PCBP3: variants seen among roughly 807,000 people sequenced by gnomAD.
PCBP3 encodes the protein poly(rC) binding protein 3.
In PCBP3, 25 loss-of-function variants were observed where a neutral mutation model predicts 52.7. The ratio of observed to expected loss-of-function variants is 0.47; its 90% confidence interval spans 0.35 to 0.66. The LOEUF (loss-of-function observed/expected upper bound fraction) is 0.66. PCBP3 is among the 30% of genes least tolerant of loss of function. The pLI is 0.01. For synonymous variants in PCBP3, 162 were observed against 183.0 expected (o/e 0.89, Z 0.93); for missense variants, 391 against 490.3 (o/e 0.80, Z 1.91).
At position 45,906,597 on chromosome 21, in the gene PCBP3, G is replaced by A. The variant is rs370817656; in HGVS notation, c.340-2758G>A. The stretch of plus-strand genomic sequence containing the variant: ...GCTCTGCCCCGGTCATTTTGCCTGT[G>A]TTAGTGGGATTGTGTCAGGTGCAGC... On this transcript the variant is annotated intron_variant, in intron 9 of 17. Transcript: ENST00000681687. Among the ~76,000 whole-genome samples the A allele has an allele frequency of 9.2e-5, 14 of 152,248 alleles. No individual in the cohort carries two copies. The East Asian group carries it at 1.4e-3, about 15-fold the overall frequency.
chr21:45,789,625 C>T (rs903925093), intron 4 of PCBP3, among the ~76,000 whole-genome samples: 2 of 152,112 alleles, frequency 1.3e-5, no homozygotes, highest in Admixed American at 6.5e-5. Flanking sequence ...CCAGTGTGGC[C>T]GGAGCAGAGC....
At position 45,928,425 on chromosome 21, in the gene PCBP3, T is replaced by G. The variant is rs2149474757; in HGVS notation, c.718-1492T>G. On this transcript the variant is annotated intron_variant, in intron 13 of 17. Transcript: ENST00000681687. The surrounding 1 kb of genome is among the most constrained non-coding windows in gnomAD (Gnocchi z 4.1). ...CCGATCCTCCCAGGGTACTAGGTAC[T>G]GAGGAAGGAAGGGCCTTTATCTTGA... Among the ~76,000 whole-genome samples the G allele has an allele frequency of 6.6e-6, 1 of 152,260 alleles. No individual in the cohort carries two copies. Among genetic ancestry groups the G allele is most frequent in the East Asian group, 1.9e-4 (1 of 5,166 alleles).
At chr21:45,793,799 A>T (rs1439290172) in intron 4 of PCBP3, among the ~76,000 whole-genome samples, 1 of 152,224 alleles carries the variant, frequency 6.6e-6, no homozygotes, top group Non-Finnish European at 1.5e-5. Context: ...GGGAAAAATG[A>T]TTTCAAACCT....
At chr21:45,899,913 C>A (rs2095979821) in intron 7 of PCBP3, among the ~76,000 whole-genome samples, 1 of 152,194 alleles carries the variant, frequency 6.6e-6, no homozygotes, top group African/African-American at 2.4e-5. Flanking sequence ...GTTGAAGACC[C>A]CACGAAGAAT....
rs867984354 is a variant in PCBP3 at position 45,800,457 on chromosome 21, A to G, written c.-126+45005A>G. On this transcript the variant is annotated intron_variant, in intron 4 of 17. Transcript: ENST00000681687. This position sits in a 1 kb window ranked among gnomAD's most constrained non-coding sequence, Gnocchi z 5.3. ...TTACCAGCACTGAACTCTGAGCCCA[A>G]CTGGCTCCAAACAGGCGTGTTGTGG... Among the ~76,000 whole-genome samples the G allele has an allele frequency of 2.7e-4, 41 of 152,140 alleles. No individual in the cohort carries two copies. The highest frequency in any genetic ancestry group is 8.0e-4 in the African/African-American group (33 of 41,444).
At chr21:45,900,336 C>T (rs1032059685) in intron 7 of PCBP3, among the ~76,000 whole-genome samples, 19 of 152,348 alleles carry the variant, frequency 1.2e-4, no homozygotes, top group African/African-American at 4.3e-4. Flanking sequence ...ACCTGCGCCA[C>T]CCTTGCCAGC....
chr21:45,884,991 C>T (rs972442897), intron 5 of PCBP3, among the ~76,000 whole-genome samples: 3 of 152,208 alleles, frequency 2.0e-5, no homozygotes, highest in Non-Finnish European at 2.9e-5. Context: ...TCTATGCACT[C>T]ACATGTTTGC....
chr21:45,866,853 G>C (rs1466723130), intron 5 of PCBP3, among the ~76,000 whole-genome samples: 1 of 152,170 alleles, frequency 6.6e-6, no homozygotes, highest in Non-Finnish European at 1.5e-5. Context: ...CCGTCACGGA[G>C]ATGCGTGTAC....
chr21:45,768,903 G>C (rs2089611411), intron 4 of PCBP3, among the ~76,000 whole-genome samples: 1 of 152,230 alleles, frequency 6.6e-6, no homozygotes, highest in Admixed American at 6.5e-5. Flanking sequence ...TGTTCCGTCT[G>C]ACTCGGGGAT....
chr21:45,688,767 A>G (rs2082298777), intron 2 of PCBP3, among the ~76,000 whole-genome samples: 1 of 152,062 alleles, frequency 6.6e-6, no homozygotes, highest in South Asian at 2.1e-4. Flanking sequence ...ATCAGTAGTG[A>G]AAAAGAAGAC....
intron 2 of PCBP3, among the ~76,000 whole-genome samples, chr21:45,725,889 G>C (rs1325136543): frequency 6.6e-6 from 1 of 151,998 alleles, no homozygotes; most frequent in Non-Finnish European, 1.5e-5. Flanking sequence ...GGCAGCTGGG[G>C]TGAGGAAGCC....
At chr21:45,650,549 C>T (rs1217643508) in intron 1 of PCBP3, among the ~76,000 whole-genome samples, 2 of 152,070 alleles carry the variant, frequency 1.3e-5, no homozygotes, top group South Asian at 2.1e-4. Flanking sequence ...GTCCTGGACT[C>T]GAGTGATCTT....
At chr21:45,921,053 G>T (rs2074360219) in intron 13 of PCBP3, among the ~76,000 whole-genome samples, 2 of 152,134 alleles carry the variant, frequency 1.3e-5, no homozygotes, top group Non-Finnish European at 2.9e-5. Context: ...TGCTTTTCTT[G>T]CAGGCGTGTA....
intron 4 of PCBP3, among the ~76,000 whole-genome samples, chr21:45,778,299 A>G (rs1298132633): frequency 6.6e-6 from 1 of 152,162 alleles, no homozygotes; most frequent in Non-Finnish European, 1.5e-5. Flanking sequence ...TTAAGGCCCC[A>G]CTAGAGGCAG....
At chr21:45,906,550 G>A (rs2096212417) in intron 9 of PCBP3, among the ~76,000 whole-genome samples, 1 of 152,148 alleles carries the variant, frequency 6.6e-6, no homozygotes, top group Non-Finnish European at 1.5e-5. Context: ...TGTTTTGGTG[G>A]AACCTCTCGG....
chr21:45,665,933 G>A (rs1335334309), intron 1 of PCBP3, among the ~76,000 whole-genome samples: 1 of 152,080 alleles, frequency 6.6e-6, no homozygotes, highest in African/African-American at 2.4e-5. Flanking sequence ...ACAATTAAGT[G>A]GGTTTTGTTC....
chr21:45,840,148 T>C (rs2093668486), intron 4 of PCBP3, among the ~76,000 whole-genome samples: 1 of 151,918 alleles, frequency 6.6e-6, no homozygotes, highest in Non-Finnish European at 1.5e-5. Flanking sequence ...TTTAAAAGTT[T>C]ATAGAGTAAA....
intron 2 of PCBP3, among the ~76,000 whole-genome samples, chr21:45,693,257 T>C (rs2082586525): frequency 6.6e-6 from 1 of 152,170 alleles, no homozygotes; most frequent in Admixed American, 6.5e-5. Flanking sequence ...CCACTTCTCT[T>C]CAACATTGTT....
chr21:45,671,415 G>A (rs972973976), intron 2 of PCBP3, among the ~76,000 whole-genome samples: 8 of 152,176 alleles, frequency 5.3e-5, no homozygotes, highest in African/African-American at 1.9e-4. Flanking sequence ...TGTTCACACT[G>A]TACAATAGTG....
Sources: allele counts gnomAD v4.1 joint callset (sites outside exome capture counted in the v4.1 genomes callset), GRCh38; gene constraint gnomAD v4.1.1; non-coding constraint Gnocchi (gnomAD v3.1); transcripts MANE v1.5; gene names NCBI Gene and HGNC (gene_info 2026-07-23, HGNC 2026-07-21).